NUBPL: variants seen among roughly 807,000 people sequenced by gnomAD.
The protein encoded by NUBPL is NUBP iron-sulfur cluster assembly factor, mitochondrial, also known as iron-sulfur cluster transfer protein NUBPL.
Under a neutral mutation model 45.7 loss-of-function variants are expected in NUBPL, and 31 were observed. The ratio of observed to expected loss-of-function variants is 0.68; its 90% CI spans 0.51 to 0.92. The LOEUF (loss-of-function observed/expected upper bound fraction) is 0.92. NUBPL is among the 40% of genes least tolerant of loss of function. The probability of loss-of-function intolerance (pLI) is 0.00; values close to 1 mark genes in which losing one functional copy is unlikely to be tolerated. For missense variants in NUBPL, 401 were observed against 398.7 expected, an observed-to-expected ratio of 1.01 and a Z score of -0.05; for synonymous variants, 144 against 140.9, an observed-to-expected ratio of 1.02 and a Z score of -0.15.
chr14:31,807,473 G>A (rs1375200341), intron 7 of NUBPL, among the ~76,000 whole-genome samples: 1 of 151,936 alleles, frequency 6.6e-6, no homozygotes, highest in Non-Finnish European at 1.5e-5. Flanking sequence ...GGGGTTGTTT[G>A]TTTTTTCCTT....
chr14:31,757,540 T>C (rs748460250), intron 6 of NUBPL, among the ~76,000 whole-genome samples: 1 of 152,152 alleles, frequency 6.6e-6, no homozygotes, highest in Non-Finnish European at 1.5e-5. Flanking sequence ...GTGGGATCGG[T>C]CTCTTTTCAA....
intron 8 of NUBPL, among the ~76,000 whole-genome samples, chr14:31,839,711 A>G (rs2040338784): frequency 6.6e-6 from 1 of 152,200 alleles, no homozygotes; most frequent in African/African-American, 2.4e-5. Flanking sequence ...AGGAGTTAAT[A>G]TTCAAAGTAT....
intron 8 of NUBPL, among the ~76,000 whole-genome samples, chr14:31,834,347 A>AT (rs1248921117): frequency 9.2e-5 from 14 of 151,918 alleles, no homozygotes; most frequent in Middle Eastern, 3.4e-3. Context: ...TGCCTGGCTA[A>AT]TTTTTGTACT....
At chr14:31,843,537 C>A (rs751715688) in intron 8 of NUBPL, among the ~76,000 whole-genome samples, 6 of 152,196 alleles carry the variant, frequency 3.9e-5, no homozygotes, top group Non-Finnish European at 8.8e-5. Context: ...TTGCTTACAA[C>A]TCTGTAATGG....
chr14:31,720,267 G>A (rs1456276130), intron 6 of NUBPL, among the ~76,000 whole-genome samples: 3 of 152,142 alleles, frequency 2.0e-5, no homozygotes, highest in Admixed American at 6.6e-5. Context: ...TTGGAGTACT[G>A]CAATAATAAC....
At chr14:31,739,342 C>T (rs1299947556) in intron 6 of NUBPL, among the ~76,000 whole-genome samples, 2 of 151,064 alleles carry the variant, frequency 1.3e-5, no homozygotes, top group Non-Finnish European at 2.9e-5. Flanking sequence ...GCCTTGGCCT[C>T]CCAGAGTGCT....
At chr14:31,634,019 C>A (rs557411129) in intron 4 of NUBPL, among the ~76,000 whole-genome samples, 1 of 151,848 alleles carries the variant, frequency 6.6e-6, no homozygotes, top group South Asian at 2.1e-4. Flanking sequence ...TTTTAGTCAC[C>A]CAATATAAAA....
chr14:31,726,036 G>A (rs1377295924), intron 6 of NUBPL, among the ~76,000 whole-genome samples: 1 of 152,074 alleles, frequency 6.6e-6, no homozygotes, highest in East Asian at 1.9e-4. Context: ...AATTAAAGAT[G>A]TATTTTATCT....
At chr14:31,832,973 A>T (rs1422924542) in intron 8 of NUBPL, among the ~76,000 whole-genome samples, 1 of 152,154 alleles carries the variant, frequency 6.6e-6, no homozygotes, top group Non-Finnish European at 1.5e-5. Flanking sequence ...TATATAATTA[A>T]TTTTTTCTTG....
chr14:31,773,115 T>C (rs1463335669), intron 6 of NUBPL, among the ~76,000 whole-genome samples: 1 of 152,174 alleles, frequency 6.6e-6, no homozygotes, highest in East Asian at 1.9e-4. Context: ...CTTTTTATTA[T>C]TCAGATTTTT....
At chr14:31,759,791 A>G (rs1436699949) in intron 6 of NUBPL, among the ~76,000 whole-genome samples, 2 of 150,598 alleles carry the variant, frequency 1.3e-5, no homozygotes, top group East Asian at 3.9e-4. Context: ...ACTCACTTTC[A>G]GTATGGTATT....
chr14:31,725,410 G>C (rs145366668), intron 6 of NUBPL, among the ~76,000 whole-genome samples: 1 of 152,108 alleles, frequency 6.6e-6, no homozygotes, highest in African/African-American at 2.4e-5. Context: ...AAAATGCTGC[G>C]TACCAGAAGT....
At chr14:31,606,807 C>T (rs547892915) in intron 4 of NUBPL, among the ~76,000 whole-genome samples, 1 of 152,260 alleles carries the variant, frequency 6.6e-6, no homozygotes, top group East Asian at 1.9e-4. Flanking sequence ...AATATTCTTG[C>T]TTACCTCTTC....
chr14:31,822,263 A>G (rs895363219), intron 7 of NUBPL, among the ~76,000 whole-genome samples: 1 of 152,132 alleles, frequency 6.6e-6, no homozygotes, highest in Non-Finnish European at 1.5e-5. Flanking sequence ...TGGTTATTAC[A>G]CATTGCATGC....
chr14:31,820,507 A>C (rs1313449172), intron 7 of NUBPL, among the ~76,000 whole-genome samples: 1 of 152,170 alleles, frequency 6.6e-6, no homozygotes, highest in East Asian at 1.9e-4. Flanking sequence ...AACAAGAATA[A>C]ATTGACATAA....
At chr14:31,778,716 T>C (rs957533724) in intron 6 of NUBPL, among the ~76,000 whole-genome samples, 1 of 152,196 alleles carries the variant, frequency 6.6e-6, no homozygotes. Flanking sequence ...TAGTACGTGC[T>C]GGTTTCCTTG....
At chr14:31,761,719 A>G (rs1041287881) in intron 6 of NUBPL, among the ~76,000 whole-genome samples, 2 of 152,188 alleles carry the variant, frequency 1.3e-5, no homozygotes, top group Admixed American at 6.5e-5. Flanking sequence ...ATTTCGTAGT[A>G]TTGAGTGACA....
intron 6 of NUBPL, among the ~76,000 whole-genome samples, chr14:31,717,855 C>A (rs1472169936): frequency 6.6e-6 from 1 of 152,126 alleles, no homozygotes; most frequent in African/African-American, 2.4e-5. Flanking sequence ...CTTCTCTTGG[C>A]TGCCTCTCAC....
At chr14:31,666,475 G>A (rs1286680327) in intron 4 of NUBPL, among the ~76,000 whole-genome samples, 1 of 151,328 alleles carries the variant, frequency 6.6e-6, no homozygotes, top group East Asian at 2.0e-4. Flanking sequence ...ATATTGGTCA[G>A]GCTGGTCTCA....
Sources: gnomAD v4.1 joint callset for allele counts (sites outside exome capture counted in the v4.1 genomes callset) on GRCh38, gnomAD v4.1.1 for gene constraint, MANE v1.5 for transcripts, NCBI Gene and HGNC (gene_info 2026-07-23, HGNC 2026-07-21) for gene names.